FMR1: variants seen among roughly 807,000 people sequenced by gnomAD.
FMR1 encodes FMRP translational regulator 1.
In FMR1, 13 loss-of-function variants were observed where a neutral mutation model predicts 50.6. The observed-to-expected ratio is 0.26, with a 90% CI of 0.17 to 0.41. The LOEUF (loss-of-function observed/expected upper bound fraction) is 0.41, where lower values mean the gene tolerates loss of function less well. Among genes scored for constraint, FMR1 ranks in the 10% least tolerant of loss-of-function variants. The pLI, the probability that FMR1 is intolerant of heterozygous loss-of-function variation, is 1.00. For synonymous variants in FMR1, 138 were observed against 164.1 expected (o/e 0.84, Z 1.22); for missense variants, 316 against 491.3 (o/e 0.64, Z 3.37).
chrX:147,919,403 A>G (rs1557176005), intron 1 of FMR1, among the ~76,000 whole-genome samples: 1 of 111,991 alleles, frequency 8.9e-6, no homozygotes, highest in Non-Finnish European at 1.9e-5. Context: ...TGAGGCAAAC[A>G]ATCCCTTGAA....
intron 2 of FMR1, chrX:147,924,898 A>C (rs1248815375): frequency 2.7e-5 from 3 of 110,632 alleles, no homozygotes; most frequent in African/African-American, 9.9e-5. Flanking sequence ...TTAAAAACAT[A>C]GGCAACTTAA....
chrX:147,913,006 G>A (rs1979484412), intron 1 of FMR1: 3 of 257,014 alleles, frequency 1.2e-5, no homozygotes, highest in African/African-American at 5.5e-5. Context: ...ACCATTAGCA[G>A]CGCTGCTACT....
chrX:147,929,467 G>C (rs983296898), intron 5 of FMR1, among the ~76,000 whole-genome samples: 2 of 109,364 alleles, frequency 1.8e-5, no homozygotes, highest in African/African-American at 6.7e-5. Context: ...CCCTCAAATC[G>C]TTTAGCAGTT....
intron 1 of FMR1, among the ~76,000 whole-genome samples, chrX:147,918,218 C>T (rs1318164837): frequency 1.8e-5 from 2 of 111,208 alleles, no homozygotes; most frequent in Admixed American, 9.6e-5. Flanking sequence ...ATTGGAAAAA[C>T]TATGATGAGA....
rs886041088 is a variant in FMR1 at position 147,929,940 on chromosome X, A to C, written c.420-8A>C. On this transcript the variant is annotated splice_region_variant and splice_polypyrimidine_tract_variant and intron_variant, in intron 5 of 16. Coordinates refer to ENST00000370475, the MANE Select transcript of FMR1 (RefSeq NM_002024.6). ...TATTCATCTTAATTTTTTTTTTTAAATTTCTAGGTGTGCCAAAGAGGCGGC... is the reference window on the plus strand; with the variant it reads ...TATTCATCTTAATTTTTTTTTTTAACTTTCTAGGTGTGCCAAAGAGGCGGC... 3 of 1,161,513 alleles carry C rather than the reference A, an allele frequency of 2.6e-6. No individual in the cohort carries two copies.
At chrX:147,936,917 A>G (rs371807726) in intron 10 of FMR1, among the ~76,000 whole-genome samples, 1 of 111,820 alleles carries the variant, frequency 8.9e-6, no homozygotes, top group East Asian at 2.8e-4. Flanking sequence ...ATAAAATAAT[A>G]TATATGTAAA....
At chrX:147,938,294 T>C (rs1031891995) in intron 12 of FMR1, 133 bp downstream of exon 12, 5 of 554,545 alleles carry the variant, frequency 9.0e-6, no homozygotes, top group South Asian at 7.5e-5. Flanking sequence ...TGTGGATCCA[T>C]TGCCCTGGAG....
intron 11 of FMR1, 140 bp downstream of exon 11, chrX:147,937,740 T>C (rs1028197060): frequency 2.0e-6 from 1 of 504,140 alleles, no homozygotes; most frequent in African/African-American, 2.4e-5. Flanking sequence ...TGCCAGCTTA[T>C]GAGATACTAC....
intron 1 of FMR1, chrX:147,913,875 A>G (rs1413669771): frequency 8.9e-6 from 1 of 112,056 alleles, no homozygotes; most frequent in Non-Finnish European, 1.9e-5. Flanking sequence ...ACTAATAACT[A>G]TAATACATAT....
At chrX:147,930,068 T>C (rs782070342) in intron 6 of FMR1, 27 bp downstream of exon 6, 1 of 1,152,995 alleles carries the variant, frequency 8.7e-7, no homozygotes, top group East Asian at 3.0e-5. Context: ...TGTTTATTTT[T>C]AGTTTAATTC....
intron 7 of FMR1, among the ~76,000 whole-genome samples, chrX:147,931,818 A>G (rs1260283491): frequency 9.0e-6 from 1 of 111,291 alleles, no homozygotes; most frequent in Non-Finnish European, 1.9e-5. Flanking sequence ...AATTTTTGAC[A>G]TTTTTTGATT....
At chrX:147,934,499 T>C (rs1201939938) in intron 9 of FMR1, among the ~76,000 whole-genome samples, 2 of 111,892 alleles carry the variant, frequency 1.8e-5, no homozygotes, top group Non-Finnish European at 3.8e-5. Context: ...TAGGGGACTC[T>C]GTTCTTCACC....
chrX:147,937,367 CA>C, intron 10 of FMR1, 98 bp from the exon 11 acceptor site: 1 of 567,107 alleles, frequency 1.8e-6, no homozygotes, highest in South Asian at 2.7e-5. Context: ...TAATAACTTA[CA>C]TTTTTTAAAA....
chrX:147,923,054 T>C (rs1398627005), intron 2 of FMR1, among the ~76,000 whole-genome samples: 1 of 112,097 alleles, frequency 8.9e-6, no homozygotes, highest in Non-Finnish European at 1.9e-5. Context: ...AATACACACA[T>C]CTTGCTTCTA....
At chrX:147,938,982 G>A (rs782503984) in intron 12 of FMR1, among the ~76,000 whole-genome samples, 2 of 111,839 alleles carry the variant, frequency 1.8e-5, no homozygotes, top group Non-Finnish European at 3.8e-5. Flanking sequence ...TAGACATGTT[G>A]CAAGAAAAGA....
At chrX:147,939,726 G>A (rs937155234) in intron 12 of FMR1, among the ~76,000 whole-genome samples, 2 of 63,382 alleles carry the variant, frequency 3.2e-5, no homozygotes, top group Non-Finnish European at 5.8e-5. Flanking sequence ...GCGAAACCCC[G>A]TCTCTACAGA....
intron 1 of FMR1, chrX:147,913,676 GT>G (rs782386709): frequency 8.9e-6 from 1 of 112,196 alleles, no homozygotes; most frequent in African/African-American, 3.2e-5. Flanking sequence ...GCCTTTTGCT[GT>G]AAAAGGAGGC....
intron 3 of FMR1, among the ~76,000 whole-genome samples, chrX:147,926,525 C>T (rs782261270): frequency 9.0e-6 from 1 of 110,520 alleles, no homozygotes; most frequent in Non-Finnish European, 1.9e-5. Context: ...GAGTCTCACT[C>T]TTGTCATCCA....
At chrX:147,912,569 G>C (rs1267433554) in intron 1 of FMR1, among the ~76,000 whole-genome samples, 1 of 113,047 alleles carries the variant, frequency 8.8e-6, no homozygotes, top group African/African-American at 3.2e-5. Context: ...GCTAAGTGAC[G>C]GCGATGGCTT....
Sources: gnomAD v4.1 joint callset for allele counts (sites outside exome capture counted in the v4.1 genomes callset) on GRCh38, gnomAD v4.1.1 for gene constraint, MANE v1.5 for transcripts, NCBI Gene and HGNC (gene_info 2026-07-23, HGNC 2026-07-21) for gene names.